Variants in PTPRD observed in about 807,000 individuals in gnomAD.
The protein encoded by PTPRD is protein tyrosine phosphatase receptor type D, also known as receptor-type tyrosine-protein phosphatase delta.
Under a neutral mutation model 214.5 loss-of-function variants are expected in PTPRD, and 34 were observed. The ratio of observed to expected loss-of-function variants is 0.16; its 90% CI spans 0.12 to 0.21. PTPRD has a LOEUF of 0.21. Ranked by LOEUF, PTPRD falls within the 10% of genes least tolerant of loss-of-function variation. The pLI, the probability that PTPRD is intolerant of heterozygous loss-of-function variation, is 1.00. For synonymous variants in PTPRD, 1,128 were observed against 845.7 expected (o/e 1.33, Z -5.79); for missense variants, 2,545 against 2,398.7 (o/e 1.06, Z -1.27).
At chr9:9,842,363 G>A (rs750950268) in intron 5 of PTPRD, among the ~76,000 whole-genome samples, 11 of 122,794 alleles carry the variant, frequency 9.0e-5, no homozygotes, top group Admixed American at 8.8e-4. Flanking sequence ...ATGGTGCTGT[G>A]TAGTAACACT....
intron 10 of PTPRD, among the ~76,000 whole-genome samples, chr9:9,022,619 C>G (rs1472404607): frequency 6.6e-6 from 1 of 152,120 alleles, no homozygotes; most frequent in African/African-American, 2.4e-5. Context: ...TGCACCATGA[C>G]AAAATCGCCC....
intron 2 of PTPRD, among the ~76,000 whole-genome samples, chr9:10,412,794 G>C (rs2098450642): frequency 6.6e-6 from 1 of 151,776 alleles, no homozygotes; most frequent in Non-Finnish European, 1.5e-5. Flanking sequence ...CAGGATGCAA[G>C]GTTGCTTCAA....
chr9:9,688,934 A>G (rs1397783957), intron 7 of PTPRD, among the ~76,000 whole-genome samples: 1 of 151,876 alleles, frequency 6.6e-6, no homozygotes, highest in Non-Finnish European at 1.5e-5. Flanking sequence ...CTAGCTAGGT[A>G]AACAGTAGAT....
chr9:10,063,635 T>C (rs2097820762), intron 3 of PTPRD, among the ~76,000 whole-genome samples: 1 of 152,004 alleles, frequency 6.6e-6, no homozygotes, highest in African/African-American at 2.4e-5. Context: ...AACACATTAG[T>C]GTCATATGTA....
chr9:9,253,757 A>G (rs113744036), intron 9 of PTPRD, among the ~76,000 whole-genome samples: 7 of 152,250 alleles, frequency 4.6e-5, no homozygotes, highest in African/African-American at 1.7e-4. Flanking sequence ...GCTTGAAGTC[A>G]TACTGTATTT....
At chr9:8,855,251 G>C (rs959399621) in intron 11 of PTPRD, among the ~76,000 whole-genome samples, 6 of 151,960 alleles carry the variant, frequency 3.9e-5, no homozygotes, top group Admixed American at 1.3e-4. Flanking sequence ...CAGATGAGGG[G>C]ATTCCAATTC....
At chr9:8,961,904 C>T (rs1422918266) in intron 11 of PTPRD, among the ~76,000 whole-genome samples, 2 of 151,788 alleles carry the variant, frequency 1.3e-5, no homozygotes, top group Non-Finnish European at 2.9e-5. Context: ...CCAAACAAAG[C>T]AAAATAAGAA....
chr9:8,927,820 A>G (rs1482823318), intron 11 of PTPRD, among the ~76,000 whole-genome samples: 1 of 152,168 alleles, frequency 6.6e-6, no homozygotes, highest in African/African-American at 2.4e-5. Context: ...TTACACTTCT[A>G]CCAACAGTGT....
intron 7 of PTPRD, among the ~76,000 whole-genome samples, chr9:9,712,028 G>T (rs2097744656): frequency 6.6e-6 from 1 of 152,142 alleles, no homozygotes; most frequent in South Asian, 2.1e-4. Context: ...CATTAGCATT[G>T]TGAGATCTCG....
chr9:9,635,284 C>T (rs2154362211), intron 7 of PTPRD, among the ~76,000 whole-genome samples: 1 of 152,248 alleles, frequency 6.6e-6, no homozygotes, highest in Middle Eastern at 3.4e-3. Flanking sequence ...TACTTTTTGG[C>T]CTTCCAGCAA....
chr9:8,988,390 T>C (rs538853862), intron 11 of PTPRD, among the ~76,000 whole-genome samples: 1 of 152,238 alleles, frequency 6.6e-6, no homozygotes, highest in South Asian at 2.1e-4. Flanking sequence ...GTGACATCTA[T>C]TAGGGCTATT....
At chr9:9,857,206 C>T (rs900145796) in intron 5 of PTPRD, among the ~76,000 whole-genome samples, 12 of 152,128 alleles carry the variant, frequency 7.9e-5, no homozygotes, top group East Asian at 3.9e-4. Context: ...GTCTGGCATT[C>T]GAAATGGAAT....
intron 6 of PTPRD, among the ~76,000 whole-genome samples, chr9:9,753,390 GTC>G (rs1291011834): frequency 2.0e-5 from 3 of 151,986 alleles, no homozygotes; most frequent in Admixed American, 2.0e-4. Flanking sequence ...ATAGTTAAGT[GTC>G]TGTCAGTGTT....
intron 14 of PTPRD, among the ~76,000 whole-genome samples, chr9:8,622,531 C>T (rs773468942): frequency 6.6e-6 from 1 of 151,906 alleles, no homozygotes; most frequent in African/African-American, 2.4e-5. Context: ...TGTATAACTG[C>T]CTTGTCATTT....
At chr9:9,599,787 G>C (rs1176469177) in intron 7 of PTPRD, among the ~76,000 whole-genome samples, 1 of 151,706 alleles carries the variant, frequency 6.6e-6, no homozygotes, top group Non-Finnish European at 1.5e-5. Flanking sequence ...AAATAAAATA[G>C]AACATAGGCT....
At chr9:9,398,571 A>G (rs1282542658) in intron 8 of PTPRD, among the ~76,000 whole-genome samples, 2 of 152,082 alleles carry the variant, frequency 1.3e-5, no homozygotes, top group Admixed American at 6.6e-5. Flanking sequence ...TCATAGTAAT[A>G]TACCCTATGA....
chr9:9,784,354 T>C (rs903928751), intron 5 of PTPRD, among the ~76,000 whole-genome samples: 14 of 152,096 alleles, frequency 9.2e-5, no homozygotes, highest in Non-Finnish European at 1.9e-4. Context: ...ACGTAATTTT[T>C]ATTTAACCTT....
chr9:9,101,113 G>C (rs2099790703), intron 10 of PTPRD, among the ~76,000 whole-genome samples: 1 of 150,046 alleles, frequency 6.7e-6, no homozygotes, highest in Non-Finnish European at 1.5e-5. Flanking sequence ...GAGAGAGAGA[G>C]AGAGTAGAGA....
chr9:8,745,837 G>A (rs945721568), intron 11 of PTPRD, among the ~76,000 whole-genome samples: 53 of 149,674 alleles, frequency 3.5e-4, no homozygotes, highest in African/African-American at 1.1e-3. Context: ...TTGTTCTGTC[G>A]CCCAGGCTGG....
Sources: allele counts gnomAD v4.1 joint callset (sites outside exome capture counted in the v4.1 genomes callset), GRCh38; gene constraint gnomAD v4.1.1; transcripts MANE v1.5; gene names NCBI Gene and HGNC (gene_info 2026-07-23, HGNC 2026-07-21).